Variants in RPSA2 observed in about 807,000 individuals in gnomAD.
RPSA2 encodes small ribosomal subunit protein uS2B.
At chr19:23,761,949 G>T in the RPSA2 span, among the ~76,000 whole-genome samples, 1,489 of 18,770 alleles carry the variant, frequency 0.079, 133 homozygotes, top group African/African-American at 0.2. Context: ...ATGGAGTCTT[G>T]CTCTATCGCC....
At chr19:23,847,809 C>T in the RPSA2 span, among the ~76,000 whole-genome samples, 1 of 152,038 alleles carries the variant, frequency 6.6e-6, no homozygotes, top group Non-Finnish European at 1.5e-5. Context: ...TTATAGACCT[C>T]CCCCCAGGAA....
the RPSA2 span, among the ~76,000 whole-genome samples, chr19:23,808,132 G>T: frequency 6.6e-6 from 1 of 152,212 alleles, no homozygotes; most frequent in East Asian, 1.9e-4. Flanking sequence ...GAGCGGATCT[G>T]TGTCCTTCAC....
At chr19:23,812,708 A>AT in the RPSA2 span, among the ~76,000 whole-genome samples, 3 of 151,912 alleles carry the variant, frequency 2.0e-5, no homozygotes, top group Non-Finnish European at 4.4e-5. Context: ...CTCTTAGCTC[A>AT]TTTTCAATGT....
At chr19:23,840,387 T>C in the RPSA2 span, among the ~76,000 whole-genome samples, 1 of 152,208 alleles carries the variant, frequency 6.6e-6, no homozygotes, top group Non-Finnish European at 1.5e-5. Flanking sequence ...AAGTATTCCC[T>C]TTGTTGACAG....
the RPSA2 span, among the ~76,000 whole-genome samples, chr19:23,796,568 C>G: frequency 3.3e-5 from 5 of 152,004 alleles, no homozygotes; most frequent in Admixed American, 3.3e-4. Flanking sequence ...AGCTGTGAAT[C>G]TGTCTGGTCC....
the RPSA2 span, among the ~76,000 whole-genome samples, chr19:23,829,937 G>A: frequency 3.1e-4 from 47 of 151,954 alleles, no homozygotes; most frequent in Admixed American, 4.6e-4. Flanking sequence ...ATATAATTAT[G>A]TGTAGCTTTT....
At chr19:23,848,706 A>T in the RPSA2 span, among the ~76,000 whole-genome samples, 1 of 152,346 alleles carries the variant, frequency 6.6e-6, no homozygotes, top group Non-Finnish European at 1.5e-5. Context: ...GCATGTGATG[A>T]TCGAGACTCA....
At chr19:23,842,844 T>C in the RPSA2 span, among the ~76,000 whole-genome samples, 1 of 152,220 alleles carries the variant, frequency 6.6e-6, no homozygotes, top group East Asian at 1.9e-4. Flanking sequence ...TGTTTTATCT[T>C]AACAGGAACC....
chr19:23,847,680 C>G, the RPSA2 span, among the ~76,000 whole-genome samples: 1 of 152,094 alleles, frequency 6.6e-6, no homozygotes, highest in African/African-American at 2.4e-5. Context: ...CTGGTCTGAC[C>G]AAAAATTTAC....
the RPSA2 span, among the ~76,000 whole-genome samples, chr19:23,805,819 A>G: frequency 6.6e-6 from 1 of 152,120 alleles, no homozygotes; most frequent in African/African-American, 2.4e-5. Flanking sequence ...AACTACTTTT[A>G]TAAATGCTTG....
the RPSA2 span, among the ~76,000 whole-genome samples, chr19:23,825,879 A>G: frequency 1.3e-5 from 2 of 152,134 alleles, no homozygotes; most frequent in Non-Finnish European, 2.9e-5. Flanking sequence ...GTGAGCCACC[A>G]TGCTCAGCCC....
chr19:23,866,515 C>G, the RPSA2 span, among the ~76,000 whole-genome samples: 1 of 138,234 alleles, frequency 7.2e-6, no homozygotes, highest in African/African-American at 2.6e-5. Context: ...AATGTGGTGC[C>G]CCCCCCCGCC....
At chr19:23,817,251 G>A in the RPSA2 span, among the ~76,000 whole-genome samples, 1 of 152,182 alleles carries the variant, frequency 6.6e-6, no homozygotes, top group African/African-American at 2.4e-5. Flanking sequence ...GCATGGTGGT[G>A]CATGCCTGTA....
the RPSA2 span, among the ~76,000 whole-genome samples, chr19:23,838,200 T>A: frequency 6.6e-6 from 1 of 152,216 alleles, no homozygotes; most frequent in Non-Finnish European, 1.5e-5. Context: ...ATTGAGATGA[T>A]CATGTGATTT....
At chr19:23,761,928 T>TCCTTCCTTCCTTCCTTC in the RPSA2 span, among the ~76,000 whole-genome samples, 2 of 54,300 alleles carry the variant, frequency 3.7e-5, no homozygotes, top group Admixed American at 5.5e-4. Context: ...TTCTTTTTTT[T>TCCTTCCTTCCTTCCTTC]TTTTTTTGAG....
chr19:23,806,948 A>G, the RPSA2 span, among the ~76,000 whole-genome samples: 1 of 152,122 alleles, frequency 6.6e-6, no homozygotes, highest in Non-Finnish European at 1.5e-5. Context: ...TTGAGACTGT[A>G]ATTTACTTTA....
chr19:23,844,022 G>A, the RPSA2 span, among the ~76,000 whole-genome samples: 378 of 152,252 alleles, frequency 2.5e-3, 1 homozygote, highest in Middle Eastern at 0.02. Flanking sequence ...GCCTCCCAAA[G>A]TGCTGGAATT....
chr19:23,792,792 T>G, the RPSA2 span, among the ~76,000 whole-genome samples: 1 of 151,898 alleles, frequency 6.6e-6, no homozygotes, highest in Non-Finnish European at 1.5e-5. Flanking sequence ...GAATTACAGG[T>G]GTGAGCCACC....
the RPSA2 span, chr19:23,808,954 T>A: frequency 4.0e-6 from 1 of 249,092 alleles, no homozygotes; most frequent in Admixed American, 4.9e-5. Context: ...AATTATACTC[T>A]CACGTAGGGG....
Sources: gnomAD v4.1 joint callset for allele counts (sites outside exome capture counted in the v4.1 genomes callset) on GRCh38, gnomAD v4.1.1 for gene constraint, MANE v1.5 for transcripts, NCBI Gene and HGNC (gene_info 2026-07-23, HGNC 2026-07-21) for gene names.